KIF21A: variants seen among roughly 807,000 people sequenced by gnomAD.
The protein encoded by KIF21A is kinesin-like protein KIF21A.
KIF21A carries 114 observed loss-of-function variants against 202.9 expected under a neutral mutation model. The observed-to-expected ratio is 0.56, with a 90% CI of 0.48 to 0.66. KIF21A has a LOEUF of 0.66. Among genes scored for constraint, KIF21A ranks in the 30% least tolerant of loss-of-function variants. The pLI is 0.00. For synonymous variants in KIF21A, 667 were observed against 670.8 expected, an observed-to-expected ratio of 0.99 and a Z score of 0.09; for missense variants, 1,677 against 1,994.9, an observed-to-expected ratio of 0.84 and a Z score of 3.04.
chr12:39,426,299 G>A (rs938209583), intron 1 of KIF21A, among the ~76,000 whole-genome samples: 1 of 152,202 alleles, frequency 6.6e-6, no homozygotes, highest in Admixed American at 6.5e-5. Context: ...AGGATGTTGC[G>A]AATATGTGTG....
At chr12:39,315,742 C>T in intron 30 of KIF21A, 190 bp downstream of exon 30, 3 of 640,568 alleles carry the variant, frequency 4.7e-6, no homozygotes, top group Non-Finnish European at 8.5e-6. Flanking sequence ...CAAAAAAAAC[C>T]ACTACTTTAT....
At chr12:39,358,023 A>G (rs1948928008) in intron 8 of KIF21A, among the ~76,000 whole-genome samples, 155 bp downstream of exon 8, 1 of 151,542 alleles carries the variant, frequency 6.6e-6, no homozygotes, top group African/African-American at 2.4e-5. Flanking sequence ...GACTGTCCAC[A>G]AGGAAAACTA....
chr12:39,364,581 G>A (rs1344775152), intron 6 of KIF21A, among the ~76,000 whole-genome samples: 3 of 152,052 alleles, frequency 2.0e-5, no homozygotes, highest in African/African-American at 4.8e-5. Context: ...CCCCATAGAC[G>A]GATCATAATC....
intron 17 of KIF21A, among the ~76,000 whole-genome samples, chr12:39,336,381 T>C (rs986691836): frequency 3.9e-5 from 6 of 152,222 alleles, no homozygotes; most frequent in Middle Eastern, 3.2e-3. Flanking sequence ...CTTTGAATTT[T>C]CCTTCATTGA....
chr12:39,331,536 T>G (rs1451483031), intron 22 of KIF21A, among the ~76,000 whole-genome samples, 154 bp downstream of exon 22: 1 of 152,250 alleles, frequency 6.6e-6, no homozygotes, highest in Non-Finnish European at 1.5e-5. Context: ...TTTCTTACTC[T>G]TCCTGACTCT....
chr12:39,358,935 G>A (rs536865034), intron 7 of KIF21A, among the ~76,000 whole-genome samples: 3 of 152,168 alleles, frequency 2.0e-5, no homozygotes, highest in South Asian at 2.1e-4. Flanking sequence ...ATTACTTTAC[G>A]GTCATGATAA....
intron 1 of KIF21A, among the ~76,000 whole-genome samples, chr12:39,418,050 A>G (rs996461293): frequency 6.6e-6 from 1 of 152,118 alleles, no homozygotes; most frequent in Admixed American, 6.6e-5. Flanking sequence ...TCTACAAAAA[A>G]TACAAAAATT....
rs980306576 is a variant in KIF21A at position 39,432,652 on chromosome 12, G to A, written c.44+10275C>T. 6.0e-5 allele frequency among the ~76,000 whole-genome samples: 9 copies of A among 150,222 alleles called. No individual in the cohort carries two copies. The East Asian group carries it at 1.4e-3, about 23-fold the overall frequency. Reference sequence around the variant, plus strand: ...TTTTAACAGAGCCTGGCTCTATCACGCAGGCTGGAGTGCAGTGGTATGATC... The same window carrying A: ...TTTTAACAGAGCCTGGCTCTATCACACAGGCTGGAGTGCAGTGGTATGATC... On this transcript the variant is annotated intron_variant, in intron 1 of 37. Coordinates refer to ENST00000361418, the MANE Select transcript of KIF21A (RefSeq NM_001173464.2).
chr12:39,406,556 C>G (rs1952607671), intron 1 of KIF21A, among the ~76,000 whole-genome samples: 1 of 152,194 alleles, frequency 6.6e-6, no homozygotes. Flanking sequence ...AGGAACAAAG[C>G]CTGTGTTCTA....
At chr12:39,329,234 A>T (rs912464366) in intron 24 of KIF21A, among the ~76,000 whole-genome samples, 4 of 152,320 alleles carry the variant, frequency 2.6e-5, no homozygotes, top group Admixed American at 1.3e-4. Flanking sequence ...CATAGGATAC[A>T]TTAGCTGAAT....
At chr12:39,406,961 C>T (rs922462020) in intron 1 of KIF21A, among the ~76,000 whole-genome samples, 2 of 152,202 alleles carry the variant, frequency 1.3e-5, no homozygotes, top group African/African-American at 2.4e-5. Context: ...AAAACTTCAT[C>T]TTCCCACTCC....
At chr12:39,310,090 T>C (rs555825973) in intron 32 of KIF21A, among the ~76,000 whole-genome samples, 1 of 152,204 alleles carries the variant, frequency 6.6e-6, no homozygotes, top group Admixed American at 6.5e-5. Context: ...CAGTCTCAGA[T>C]CAGCCTCTTC....
chr12:39,423,779 C>G (rs973517371), intron 1 of KIF21A, among the ~76,000 whole-genome samples: 4 of 151,734 alleles, frequency 2.6e-5, no homozygotes, highest in African/African-American at 9.7e-5. Context: ...GTCAAGAGAT[C>G]GAGACCACCC....
At chr12:39,318,016 A>T in intron 29 of KIF21A, 57 bp downstream of exon 29, 1 of 1,544,678 alleles carries the variant, frequency 6.5e-7, no homozygotes, top group East Asian at 2.3e-5. Context: ...TACAGACTGT[A>T]TTGACAGGTT....
At chr12:39,357,841 G>A (rs182850839) in intron 8 of KIF21A, among the ~76,000 whole-genome samples, 72 of 137,106 alleles carry the variant, frequency 5.3e-4, no homozygotes, top group East Asian at 3.6e-3. Context: ...CCCGGGAGGC[G>A]GAAGTTGCAG....
intron 6 of KIF21A, among the ~76,000 whole-genome samples, chr12:39,365,823 A>C (rs1949560901): frequency 6.6e-6 from 1 of 152,170 alleles, no homozygotes; most frequent in Non-Finnish European, 1.5e-5. Context: ...TAGCCTGGGC[A>C]ATGTGGCAAA....
chr12:39,428,374 T>C (rs1038317610), intron 1 of KIF21A, among the ~76,000 whole-genome samples: 3 of 152,188 alleles, frequency 2.0e-5, no homozygotes, highest in Non-Finnish European at 4.4e-5. Context: ...CAGACCTCAT[T>C]TGTTGATACC....
intron 11 of KIF21A, among the ~76,000 whole-genome samples, chr12:39,349,314 CAATACTTGCTAGAGAAAAA>C (rs1948170499): frequency 6.6e-6 from 1 of 152,038 alleles, no homozygotes; most frequent in Non-Finnish European, 1.5e-5. Flanking sequence ...CATGTATTTA[CAATACTTGCTAGAGAAAAA>C]TCAGTCCAAA....
chr12:39,299,867 A>T (rs1942799824), intron 37 of KIF21A, among the ~76,000 whole-genome samples: 1 of 152,076 alleles, frequency 6.6e-6, no homozygotes, highest in African/African-American at 2.4e-5. Context: ...ACCAAATATC[A>T]CATGTTCTCA....
Sources: allele counts gnomAD v4.1 joint callset (sites outside exome capture counted in the v4.1 genomes callset), GRCh38; gene constraint gnomAD v4.1.1; transcripts MANE v1.5; gene names NCBI Gene and HGNC (gene_info 2026-07-23, HGNC 2026-07-21).